The following KIAA1210 variants were observed in gnomAD, a reference collection of about 807,000 sequenced individuals.
KIAA1210 encodes the protein KIAA1210, also known as acrosomal protein KIAA1210.
KIAA1210 carries 48 observed loss-of-function variants against 78.9 expected under a neutral mutation model. That is an observed-to-expected ratio of 0.61 (90% confidence interval 0.48 to 0.77). The LOEUF (loss-of-function observed/expected upper bound fraction) is 0.77. KIAA1210 is among the 30% of genes least tolerant of loss of function. The probability of loss-of-function intolerance (pLI) is 0.00; values close to 1 mark genes in which losing one functional copy is unlikely to be tolerated. For missense variants in KIAA1210, 1,108 were observed against 1,100.0 expected, an observed-to-expected ratio of 1.01 and a Z score of -0.10; for synonymous variants, 406 against 404.5, an observed-to-expected ratio of 1.00 and a Z score of -0.04.
rs1280695533 is a variant in KIAA1210 at position 119,086,975 on chromosome X, T to C, written c.3727A>G (p.Ile1243Val). The C allele has an allele frequency of 9.1e-6, 11 of 1,211,630 alleles. No individual in the cohort carries two copies. Among genetic ancestry groups the C allele is most frequent in the Admixed American group, 2.2e-5 (1 of 46,019 alleles). ...GTAGCAGGGGCTGGAATGCTCTTTA[T>C]GGGGTTTTTGGAACCTTGGCTGAAT... ...KKFSQGSKNP[I>V]KSIPAPATKP... Residue 1243 changes from isoleucine (I) to valine (V), a missense_variant, in exon 9 of 12, where the codon ATA becomes GTA. Physicochemically the swap from Ile to Val is conservative, Grantham distance 29. Around this residue, in one of 5 missense-constraint regions of KIAA1210, gnomAD observed 245 missense variants for 278.8 expected, o/e 0.88. Transcript: ENST00000691062.
chrX:119,147,645 C>T, intron 1 of KIAA1210: 6 of 1,130,481 alleles, frequency 5.3e-6, no homozygotes, highest in Middle Eastern at 2.9e-4. Context: ...ACTAACCTAT[C>T]ATCACAGGTC....
chrX:119,108,072 G>C (rs1927945047), intron 5 of KIAA1210, among the ~76,000 whole-genome samples: 1 of 111,803 alleles, frequency 8.9e-6, no homozygotes. Flanking sequence ...ATACACCTGG[G>C]TCAGATTTCC....
Position 119,116,626 on chromosome X carries a change from A to G in KIAA1210, c.100T>C (p.Phe34Leu). 8.3e-7 allele frequency: 1 copy of G among 1,206,396 alleles called. No homozygotes were observed. The highest frequency in any genetic ancestry group is 1.1e-6 in the Non-Finnish European group (1 of 892,160). The change falls in exon 3 of 12, where the codon TTT becomes CTT. Residue 34 changes from phenylalanine to leucine, a missense_variant. Phe to Leu is a conservative substitution (Grantham distance 22, BLOSUM62 0). Around this residue, in one of 5 missense-constraint regions of KIAA1210, gnomAD observed 672 missense variants for 607.1 expected, o/e 1.11. Coordinates refer to ENST00000691062, the MANE Select transcript of KIAA1210 (RefSeq NM_001394962.1). ...GCTTCTTTTTCCTTCTTCTTAACAA[A>G]AAAGCTCTTAAGGGCTTTAAATTTG... ...KCKFKALKSF[F>L]VKKKEKEAED...
intron 6 of KIAA1210, among the ~76,000 whole-genome samples, chrX:119,100,000 G>A (rs182198403): frequency 1.8e-5 from 2 of 111,072 alleles, no homozygotes; most frequent in East Asian, 5.6e-4. Context: ...TCCTTCTTAG[G>A]CCTTCTTAGG....
chrX:119,136,801 C>T (rs750081414), intron 2 of KIAA1210, among the ~76,000 whole-genome samples: 31 of 112,212 alleles, frequency 2.8e-4, no homozygotes, highest in Non-Finnish European at 5.6e-4. Context: ...TTCTTTAACC[C>T]TGATCCCATG....
chrX:119,105,059 A>C lies in KIAA1210; in HGVS notation c.581T>G (p.Leu194Arg). ...TGGATTCTTAGGTGACTCATCATCGAGAGAGATTTCTACCAAGTTCTTAGA... is the reference window on the plus strand; with the variant it reads ...TGGATTCTTAGGTGACTCATCATCGCGAGAGATTTCTACCAAGTTCTTAGA... ...IISKNLVEIS[L>R]DDESPKNPQK... The change falls in exon 6 of 12, where the codon CTC becomes CGC. Residue 194 changes from leucine to arginine, a missense_variant. Coordinates refer to ENST00000691062, the MANE Select transcript of KIAA1210 (RefSeq NM_001394962.1). The C allele has an allele frequency of 1.7e-6, 2 of 1,209,859 alleles. No homozygotes were observed. The highest frequency in any genetic ancestry group is 2.2e-6 in the Non-Finnish European group (2 of 894,341).
In KIAA1210 at chrX:119,087,776, G is replaced by A; in HGVS notation, c.2926C>T (p.Pro976Ser). 1 of 1,211,681 alleles carries A rather than the reference G, an allele frequency of 8.3e-7. No homozygotes were observed. Among genetic ancestry groups the A allele is most frequent in the Non-Finnish European group, 1.1e-6 (1 of 895,399 alleles). Residue 976 changes from proline to serine, a missense_variant, in exon 9 of 12, where the codon CCA becomes TCA. By Grantham distance (74) the Pro-to-Ser change is moderately conservative. This residue lies in a region of KIAA1210 where 179 missense variants were observed against 174.1 expected (regional missense o/e 1.03). Transcript: ENST00000691062. The stretch of plus-strand genomic sequence containing the variant: ...TGGGTAGCATATTGGGGAGGCAATG[G>A]ACTCCCAGAAATGTCTGCCTCAATA... ...AAIEADISGS[P>S]LPPQYATQFL...
chrX:119,146,524 A>G (rs1929171860), intron 2 of KIAA1210, among the ~76,000 whole-genome samples: 1 of 112,600 alleles, frequency 8.9e-6, no homozygotes, highest in Admixed American at 9.4e-5. Context: ...AGACATCTCC[A>G]AAAGCTTTAA....
At chrX:119,116,933 A>T (rs759918613) in intron 2 of KIAA1210, among the ~76,000 whole-genome samples, 1 of 112,427 alleles carries the variant, frequency 8.9e-6, no homozygotes, top group South Asian at 3.7e-4. Flanking sequence ...ATTCAGGCCA[A>T]ACTCACTAGG....
At chrX:119,104,956 T>G in intron 6 of KIAA1210, 36 bp downstream of exon 6, 1 of 1,165,764 alleles carries the variant, frequency 8.6e-7, no homozygotes, top group Non-Finnish European at 1.2e-6. Flanking sequence ...CTCTGATCTG[T>G]GAGGCCCCTC....
chrX:119,137,778 A>G (rs1208930729), intron 2 of KIAA1210, among the ~76,000 whole-genome samples: 1 of 112,246 alleles, frequency 8.9e-6, no homozygotes, highest in Non-Finnish European at 1.9e-5. Flanking sequence ...AAGCCAAAAC[A>G]TGGGCCACCC....
chrX:119,089,819 T>C, intron 8 of KIAA1210, 73 bp from the exon 9 acceptor site: 1 of 963,813 alleles, frequency 1.0e-6, no homozygotes, highest in Non-Finnish European at 1.4e-6. Flanking sequence ...TACTGTGCCC[T>C]GGCCCAGTGG....
upstream of KIAA1210, among the ~76,000 whole-genome samples, chrX:119,131,541 G>A (rs958738927): frequency 8.9e-6 from 1 of 111,962 alleles, no homozygotes; most frequent in African/African-American, 3.3e-5. Flanking sequence ...ATGTACCCCC[G>A]AACCTAAAAT....
intron 8 of KIAA1210, among the ~76,000 whole-genome samples, chrX:119,092,957 G>A (rs1317458833): frequency 2.7e-5 from 3 of 110,697 alleles, no homozygotes; most frequent in South Asian, 3.8e-4. Flanking sequence ...TGGCAAAAAC[G>A]TAACATAACT....
intron 7 of KIAA1210, among the ~76,000 whole-genome samples, chrX:119,094,776 C>T (rs1446427310): frequency 9.0e-6 from 1 of 111,523 alleles, no homozygotes; most frequent in Non-Finnish European, 1.9e-5. Context: ...GAGAGAGTCA[C>T]AGGGAAGAAG....
At position 119,138,380 on chromosome X, in the gene KIAA1210, G is replaced by C. The variant is rs1197956036; in HGVS notation, c.410+9093C>G. Among the ~76,000 whole-genome samples the C allele has an allele frequency of 6.4e-5, 7 of 109,633 alleles. No individual in the cohort carries two copies. The Admixed American group carries it at 6.8e-4, about 11-fold the overall frequency. On this transcript the variant is annotated intron_variant, in intron 2 of 13. Coordinates refer to the KIAA1210 transcript ENST00000402510. ...ATTACAGGTGACCACCACCATGCCC[G>C]GCTAATTTTTGTATTTTTAGTAGAG...
rs1362072897 is a variant in KIAA1210, at chrX:119,087,012, G to T, written c.3690C>A (p.Ile1230=). 2 of 1,209,484 alleles carry T rather than the reference G, an allele frequency of 1.7e-6. No individual in the cohort carries two copies. The highest frequency in any genetic ancestry group is 2.2e-6 in the Non-Finnish European group (2 of 894,985). The change falls in exon 9 of 12, where the codon ATC becomes ATA. Residue 1230 remains isoleucine, a synonymous_variant. Transcript: ENST00000691062. The stretch of plus-strand genomic sequence containing the variant: ...AACCTTGGCTGAATTTCTTGGTTTT[G>T]ATTGCAAAAGCTTCATCTCTTCCTA... ...WFLGRDEAFA[I]KTKKFSQGSK...
intron 2 of KIAA1210, among the ~76,000 whole-genome samples, chrX:119,143,482 C>A (rs1254588522): frequency 8.9e-6 from 1 of 112,273 alleles, no homozygotes; most frequent in East Asian, 2.8e-4. Flanking sequence ...CAGGCTCCTC[C>A]TTAACTGTAT....
chrX:119,134,335 C>A (rs762739906), intron 2 of KIAA1210, among the ~76,000 whole-genome samples: 4 of 112,601 alleles, frequency 3.6e-5, no homozygotes, highest in African/African-American at 9.7e-5. Context: ...AAGTAGTACT[C>A]CATTGTGTAT....
Sources: gnomAD v4.1 joint callset for allele counts (sites outside exome capture counted in the v4.1 genomes callset) on GRCh38, gnomAD v4.1.1 for gene constraint, gnomAD v4.1.1 regional missense constraint, MANE v1.5 for transcripts, NCBI Gene and HGNC (gene_info 2026-07-23, HGNC 2026-07-21) for gene names.